ZHX3: variants seen among roughly 807,000 people sequenced by gnomAD.
ZHX3 encodes zinc fingers and homeoboxes protein 3.
ZHX3 carries 20 observed loss-of-function variants against 64.5 expected under a neutral mutation model. The ratio of observed to expected loss-of-function variants is 0.31; its 90% CI spans 0.22 to 0.45. The LOEUF (loss-of-function observed/expected upper bound fraction) is 0.45, where lower values mean the gene tolerates loss of function less well. ZHX3 is among the 20% of genes least tolerant of loss of function. The pLI, the probability that ZHX3 is intolerant of heterozygous loss-of-function variation, is 1.00. For synonymous variants in ZHX3, 423 were observed against 461.6 expected, an observed-to-expected ratio of 0.92 and a Z score of 1.07; for missense variants, 1,041 against 1,195.8, an observed-to-expected ratio of 0.87 and a Z score of 1.91.
chr20:41,227,486 T>G (rs151025717), intron 2 of ZHX3, among the ~76,000 whole-genome samples: 2 of 152,320 alleles, frequency 1.3e-5, no homozygotes, highest in African/African-American at 2.4e-5. Context: ...TCCTGCAATA[T>G]GTGAGTGAGT....
At chr20:41,311,324 C>G (rs1234500233) in intron 1 of ZHX3, among the ~76,000 whole-genome samples, 1 of 152,000 alleles carries the variant, frequency 6.6e-6, no homozygotes, top group African/African-American at 2.4e-5. Context: ...GAGATAAGAA[C>G]TATTATTTTT....
chr20:41,215,653 G>T (rs1231974152), intron 2 of ZHX3, among the ~76,000 whole-genome samples: 1 of 151,776 alleles, frequency 6.6e-6, no homozygotes, highest in Non-Finnish European at 1.5e-5. Context: ...AACGGAAATA[G>T]GCCAGGCGCG....
Position 41,203,551 on chromosome 20 carries a change from C to T in ZHX3, c.1366G>A (p.Val456Met). The T allele has an allele frequency of 6.2e-7, 1 of 1,614,172 alleles. No individual in the cohort carries two copies. The highest frequency in any genetic ancestry group is 8.5e-7 in the Non-Finnish European group (1 of 1,180,012). The change falls in exon 3 of 4, where the codon GTG becomes ATG. Residue 456 changes from valine to methionine, a missense_variant. By Grantham distance (21) the Val-to-Met change is conservative (BLOSUM62 1). Transcript: ENST00000683867. This position sits in a 1 kb window ranked among gnomAD's most constrained non-coding sequence, Gnocchi z 7.1. The part of the protein sequence containing the change: ...TVTSVPKQPG[V>M]APINTVCSNT... ...GAACACACAGTGTTAATGGGTGCCACACCTGGCTGCTTGGGGACGGATGTC... is the reference window on the plus strand; with the variant it reads ...GAACACACAGTGTTAATGGGTGCCATACCTGGCTGCTTGGGGACGGATGTC...
In ZHX3 at chr20:41,238,992, C is replaced by CTTTT. The variant is rs36076017; in HGVS notation, c.-151+29994_-151+29997dup. 2.1e-3 allele frequency among the ~76,000 whole-genome samples: 185 copies of CTTTT among 86,324 alleles called. 10 individuals carry two copies. Among genetic ancestry groups the CTTTT allele is most frequent in the Admixed American group, 3.1e-3 (21 of 6,722 alleles). The allele number at this position is 86,324 out of a possible 152,430, so 56.6% of individuals were successfully genotyped here. A position where few individuals can be genotyped will look rare whatever the true frequency, so the allele number is the denominator to read the frequency against. On this transcript the variant is annotated intron_variant, in intron 2 of 3. Coordinates refer to ENST00000683867, the MANE Select transcript of ZHX3 (RefSeq NM_001384317.1). ...GAAAACAAGGGCCTATTTTCTCTCT[C>CTTTT]TTTTTTTTTTTTTTTTTTTTTTTTT...
intron 2 of ZHX3, among the ~76,000 whole-genome samples, chr20:41,248,723 G>T (rs2041840096): frequency 6.6e-6 from 1 of 152,158 alleles, no homozygotes; most frequent in Admixed American, 6.5e-5. Flanking sequence ...GAATGAATGT[G>T]GGCAATCGCT....
chr20:41,311,191 C>A (rs1286324273), intron 1 of ZHX3, among the ~76,000 whole-genome samples: 1 of 152,048 alleles, frequency 6.6e-6, no homozygotes, highest in Non-Finnish European at 1.5e-5. Flanking sequence ...TCACTCTTAT[C>A]CAAACTCTAA....
At chr20:41,286,188 C>G (rs1004849639) in intron 1 of ZHX3, among the ~76,000 whole-genome samples, 9 of 152,198 alleles carry the variant, frequency 5.9e-5, no homozygotes, top group African/African-American at 2.2e-4. Flanking sequence ...TGGCTACTGT[C>G]AAGTTTATGA....
chr20:41,286,724 T>C (rs1487601911), intron 1 of ZHX3, among the ~76,000 whole-genome samples: 2 of 152,196 alleles, frequency 1.3e-5, no homozygotes, highest in Admixed American at 1.3e-4. Context: ...TCCACATCTC[T>C]GGTAATCACA....
intron 2 of ZHX3, among the ~76,000 whole-genome samples, chr20:41,221,105 CAG>C (rs760423619): frequency 4.2e-4 from 64 of 152,196 alleles, no homozygotes; most frequent in Admixed American, 8.5e-4. Flanking sequence ...GTGACTGGGA[CAG>C]AGACTCCACA....
chr20:41,241,254 C>T (rs1307342837), intron 2 of ZHX3, among the ~76,000 whole-genome samples: 1 of 152,156 alleles, frequency 6.6e-6, no homozygotes, highest in Non-Finnish European at 1.5e-5. Context: ...TTGCATTTCT[C>T]TGATAAATGA....
At chr20:41,231,660 A>G (rs2040615004) in intron 2 of ZHX3, among the ~76,000 whole-genome samples, 1 of 152,216 alleles carries the variant, frequency 6.6e-6, no homozygotes. Context: ...CTTAGTACAG[A>G]GCCTGACACA....
rs7262029 is a variant in ZHX3, at chr20:41,232,176, C to G, written c.-150-27110G>C. On this transcript the variant is annotated intron_variant, in intron 2 of 3. Transcript: ENST00000683867. The surrounding 1 kb of genome is among the most constrained non-coding windows in gnomAD (Gnocchi z 5.0). Reference sequence around the variant, plus strand: ...ATTTTGCCTAGGCAAGAGAAAAGGCCGAAGGGTGACTTAATAACCATCTTC... The same window carrying G: ...ATTTTGCCTAGGCAAGAGAAAAGGCGGAAGGGTGACTTAATAACCATCTTC... Among the ~76,000 whole-genome samples, 1 of 151,838 alleles carries G rather than the reference C, an allele frequency of 6.6e-6. No homozygotes were observed. Among genetic ancestry groups the G allele is most frequent in the Non-Finnish European group, 1.5e-5 (1 of 68,000 alleles).
intron 2 of ZHX3, among the ~76,000 whole-genome samples, chr20:41,247,854 T>C (rs752034862): frequency 8.5e-5 from 13 of 152,196 alleles, no homozygotes; most frequent in Non-Finnish European, 1.5e-4. Flanking sequence ...CCTGTCTTAG[T>C]CTGGTCCAAC....
Position 41,204,512 on chromosome 20 carries a change from T to C in ZHX3, c.405A>G (p.Glu135=). ...SLHNATCHSG[E]ASFVWNVAKP... ...TGGCCACGTTCCACACAAAGCTGGCTTCCCCGGAGTGACATGTGGCATTGT... is the reference window on the plus strand; with the variant it reads ...TGGCCACGTTCCACACAAAGCTGGCCTCCCCGGAGTGACATGTGGCATTGT... Residue 135 remains glutamate (E), a synonymous_variant, in exon 3 of 4, where the codon GAA becomes GAG. Transcript: ENST00000683867. The surrounding 1 kb of genome is among the most constrained non-coding windows in gnomAD (Gnocchi z 6.6). The C allele has an allele frequency of 6.2e-7, 1 of 1,614,192 alleles. No homozygotes were observed. Among genetic ancestry groups the C allele is most frequent in the Non-Finnish European group, 8.5e-7 (1 of 1,180,028 alleles).
chr20:41,201,969 G>A lies in ZHX3; in HGVS notation c.2860+88C>T. The A allele has an allele frequency of 6.9e-7, 1 of 1,442,936 alleles. No individual in the cohort carries two copies. Among genetic ancestry groups the A allele is most frequent in the East Asian group, 2.5e-5 (1 of 40,654 alleles). The allele number at this position is 1,442,936 out of a possible 1,614,324, so 89.4% of individuals were successfully genotyped here. On this transcript the variant is annotated intron_variant, in intron 3 of 3. Coordinates refer to ENST00000683867, the MANE Select transcript of ZHX3 (RefSeq NM_001384317.1). This position sits in a 1 kb window ranked among gnomAD's most constrained non-coding sequence, Gnocchi z 5.0. Reference sequence around the variant, plus strand: ...CCAGGCAGCCTTAGAGACAGCAGATGCCCCTGTGCAGTAAATTCAGTGCCC... The same window carrying A: ...CCAGGCAGCCTTAGAGACAGCAGATACCCCTGTGCAGTAAATTCAGTGCCC...
chr20:41,294,074 G>A (rs1044959520), intron 1 of ZHX3, among the ~76,000 whole-genome samples: 1 of 152,096 alleles, frequency 6.6e-6, no homozygotes, highest in Admixed American at 6.6e-5. Flanking sequence ...CAAAAGTTCC[G>A]AGGCTCCCCA....
At chr20:41,259,024 T>A (rs2042419734) in intron 2 of ZHX3, among the ~76,000 whole-genome samples, 1 of 152,198 alleles carries the variant, frequency 6.6e-6, no homozygotes, top group Non-Finnish European at 1.5e-5. Context: ...TTTCATTGTT[T>A]AAAAAAATAT....
Position 41,200,577 on chromosome 20 carries a change from G to A in ZHX3, c.2860+1480C>T, listed in dbSNP as rs764339554. ...AGGAGGGGAGTGTTTTGTTGTTGCC[G>A]TATTGAAAACATGGCTGGAGTTGGA... is the stretch of plus-strand genomic sequence containing the variant. On this transcript the variant is annotated intron_variant, in intron 3 of 3. Transcript: ENST00000683867. The surrounding 1 kb of genome is among the most constrained non-coding windows in gnomAD (Gnocchi z 4.2). Among the ~76,000 whole-genome samples, 7 of 152,142 alleles carry A rather than the reference G, an allele frequency of 4.6e-5. No individual in the cohort carries two copies. Among genetic ancestry groups the A allele is most frequent in the Non-Finnish European group, 1.0e-4 (7 of 68,034 alleles).
At chr20:41,209,024 A>G (rs1367638453) in intron 2 of ZHX3, among the ~76,000 whole-genome samples, 1 of 152,232 alleles carries the variant, frequency 6.6e-6, no homozygotes, top group Non-Finnish European at 1.5e-5. Context: ...TGCAAAAATC[A>G]CAAGCATTCC....
Sources: allele counts gnomAD v4.1 joint callset (sites outside exome capture counted in the v4.1 genomes callset), GRCh38; gene constraint gnomAD v4.1.1; non-coding constraint Gnocchi (gnomAD v3.1); transcripts MANE v1.5; gene names NCBI Gene and HGNC (gene_info 2026-07-23, HGNC 2026-07-21).